Variants in FN1 observed in about 807,000 individuals in gnomAD.
FN1 encodes the protein fibronectin 1.
In FN1, 106 loss-of-function variants were observed where a neutral mutation model predicts 297.3. That is an observed-to-expected ratio of 0.36 (90% CI 0.30 to 0.42). The LOEUF (loss-of-function observed/expected upper bound fraction) is 0.42. Among genes scored for constraint, FN1 ranks in the 10% least tolerant of loss-of-function variants. The pLI is 1.00. For missense variants in FN1, 2,690 were observed against 3,124.9 expected, an observed-to-expected ratio of 0.86 and a Z score of 3.32; for synonymous variants, 1,149 against 1,152.6, an observed-to-expected ratio of 1.00 and a Z score of 0.06.
intron 18 of FN1, 149 bp downstream of exon 18, chr2:215,406,978 A>G: frequency 1.4e-6 from 1 of 700,160 alleles, no homozygotes; most frequent in Non-Finnish European, 2.5e-6. Flanking sequence ...TAAGTTACTT[A>G]TGACATTTCA....
rs576604728 is a variant in FN1 at position 215,387,740 on chromosome 2, T to C, written c.4342+472A>G. ...TAATGAATACACTAAAGTGTACCTT[T>C]TGAAAGAAAAAATTAAAAGCATTCA... On this transcript the variant is annotated intron_variant, in intron 27 of 45. Transcript: ENST00000354785. Among the ~76,000 whole-genome samples, 48 of 152,332 alleles carry C rather than the reference T, an allele frequency of 3.2e-4. No individual in the cohort carries two copies. In the South Asian group the frequency reaches 9.1e-3, roughly 29 times the overall value.
intron 30 of FN1, 60 bp downstream of exon 30, chr2:215,383,960 A>G: frequency 1.3e-6 from 2 of 1,567,326 alleles, no homozygotes; most frequent in South Asian, 1.1e-5. Flanking sequence ...TTGGGAGAAC[A>G]TTGCAAAACA....
At chr2:215,405,124 T>G (rs1404576685) in intron 19 of FN1, among the ~76,000 whole-genome samples, 2 of 152,180 alleles carry the variant, frequency 1.3e-5, no homozygotes, top group African/African-American at 4.8e-5. Context: ...AAAAGTTATT[T>G]TCACATGGTT....
chr2:215,390,483 G>T (rs947876792), intron 26 of FN1, among the ~76,000 whole-genome samples: 8 of 152,168 alleles, frequency 5.3e-5, no homozygotes, highest in African/African-American at 1.4e-4. Flanking sequence ...CACTGCACTG[G>T]TTTGCTTCAT....
intron 5 of FN1, 67 bp downstream of exon 5, chr2:215,430,648 C>A (rs2066348913): frequency 6.4e-7 from 1 of 1,563,822 alleles, no homozygotes; most frequent in Non-Finnish European, 8.8e-7. Context: ...CATAGTATTA[C>A]CCTTCTCTCT....
At chr2:215,379,367 A>G (rs776433224) in intron 33 of FN1, 50 bp from the exon 34 acceptor site, 1 of 1,531,168 alleles carries the variant, frequency 6.5e-7, no homozygotes, top group South Asian at 1.1e-5. Context: ...AATGGGGGAA[A>G]AGGAAAATAA....
At chr2:215,381,367 A>C in intron 32 of FN1, 1 of 454,010 alleles carries the variant, frequency 2.2e-6, no homozygotes, top group Non-Finnish European at 4.0e-6. Flanking sequence ...ATATTCTACC[A>C]CGATTTGATT....
rs1473027026 is a variant in FN1 at position 215,384,182 on chromosome 2, C to T, written c.4732G>A (p.Gly1578Arg). 5 of 1,614,094 alleles carry T rather than the reference C, an allele frequency of 3.1e-6. No individual in the cohort carries two copies. The highest frequency in any genetic ancestry group is 4.2e-6 in the Non-Finnish European group (5 of 1,179,990). The change falls in exon 30 of 46, where the codon GGA becomes AGA. Residue 1578 changes from glycine to arginine, a missense_variant and splice_region_variant. Gly to Arg is a moderately radical substitution (Grantham distance 125, BLOSUM62 -2). Transcript: ENST00000354785. ...GTGAACTCCTGGACAGGGCTATTTC[C>T]TCCTGTATGAAAAAGGGTTAGTTCA... ...YYRITYGETG[G>R]NSPVQEFTVP...
At chr2:215,398,518 A>G (rs1050754571) in intron 21 of FN1, among the ~76,000 whole-genome samples, 1 of 152,240 alleles carries the variant, frequency 6.6e-6, no homozygotes. Context: ...ATTAAAAGGT[A>G]TACTGGCACT....
At chr2:215,375,446 C>A in intron 37 of FN1, 53 bp from the exon 38 acceptor site, 1 of 1,530,058 alleles carries the variant, frequency 6.5e-7, no homozygotes, top group Non-Finnish European at 9.0e-7. Flanking sequence ...AAGAAAATTA[C>A]TCCCACACTT....
In FN1 at chr2:215,391,322, A is replaced by G. The variant is rs538459794; in HGVS notation, c.4252+310T>C. ...TTTCTCTAAAGATTTAGATTTAGTC[A>G]TATAATTTCTCTTGATATTCACTTA... On this transcript the variant is annotated intron_variant, in intron 26 of 45. Coordinates refer to ENST00000354785, the MANE Select transcript of FN1 (RefSeq NM_212482.4). Among the ~76,000 whole-genome samples, 13 of 152,334 alleles carry G rather than the reference A, an allele frequency of 8.5e-5. No individual in the cohort carries two copies. In the East Asian group the frequency reaches 2.5e-3, roughly 29 times the overall value.
At chr2:215,372,972 T>A (rs757217843) in intron 39 of FN1, among the ~76,000 whole-genome samples, 13 of 152,166 alleles carry the variant, frequency 8.5e-5, no homozygotes, top group Non-Finnish European at 1.9e-4. Flanking sequence ...GTGAGAGGTT[T>A]CTCTCCCTCC....
intron 8 of FN1, 80 bp from the exon 9 acceptor site, chr2:215,423,606 G>C (rs539139992): frequency 1.4e-5 from 19 of 1,335,182 alleles, no homozygotes; most frequent in Non-Finnish European, 1.9e-5. Flanking sequence ...TGGTCTGAGA[G>C]AGCCAGGTTT....
At chr2:215,366,697 ATAAT>A (rs1225816338) in intron 42 of FN1, among the ~76,000 whole-genome samples, 3 of 152,354 alleles carry the variant, frequency 2.0e-5, no homozygotes, top group East Asian at 1.9e-4. Context: ...ACAAAGTAAA[ATAAT>A]TAGACAACTG....
chr2:215,434,664 A>C (rs1367913579), intron 2 of FN1, 32 bp downstream of exon 2: 1 of 1,613,792 alleles, frequency 6.2e-7, no homozygotes, highest in East Asian at 2.2e-5. Context: ...ATGTATTAAA[A>C]GATACTAACT....
chr2:215,363,912 A>G lies in FN1; in HGVS notation c.7251+967T>C, dbSNP rs191613232. Among the ~76,000 whole-genome samples, 229 of 152,326 alleles carry G rather than the reference A, an allele frequency of 1.5e-3. 2 individuals are homozygous for G. The highest frequency in any genetic ancestry group is 3.4e-3 in the Admixed American group (52 of 15,300). The stretch of plus-strand genomic sequence containing the variant: ...GGCCCTCCATAAGCCACTTCTTCCC[A>G]TCTATTTTCTTACCAGAAGACAGCA... On this transcript the variant is annotated intron_variant, in intron 44 of 45. Coordinates refer to ENST00000354785, the MANE Select transcript of FN1 (RefSeq NM_212482.4).
rs750952225 is a variant in FN1 at position 215,375,698 on chromosome 2, A to G, written c.5908T>C (p.Tyr1970His). Residue 1970 changes from tyrosine to histidine, a missense_variant, in exon 37 of 46, where the codon TAC becomes CAC. Transcript: ENST00000354785. ...TTCAAGGTGTACAGGTAGATCTTGT[A>G]GTCAGTGCCTGGTTGTAAACCTGGG... ...TITGLQPGTD[Y>H]KIYLYTLNDN... is the part of the protein sequence containing the mutation. The G allele has an allele frequency of 2.5e-5, 41 of 1,611,916 alleles. 1 individual carries two copies. In the East Asian group the frequency reaches 9.1e-4, roughly 36 times the overall value.
At position 215,425,128 on chromosome 2, in the gene FN1, C is replaced by T. The variant is rs138271073; in HGVS notation, c.1002G>A (p.Thr334=). 1,020 of 1,614,088 alleles carry T rather than the reference C, an allele frequency of 6.3e-4. 1 individual carries two copies. Among genetic ancestry groups the T allele is most frequent in the Non-Finnish European group, 6.2e-4 (730 of 1,180,000 alleles). The change falls in exon 7 of 46, where the codon ACG becomes ACA. Residue 334 remains threonine, a synonymous_variant. Coordinates refer to ENST00000354785, the MANE Select transcript of FN1 (RefSeq NM_212482.4). ...GGCAGCTGACTCCGTTGCCCAGGCA[C>T]GTGCAAAGCATTTGCTTATTTCCTT... is the stretch of plus-strand genomic sequence containing the variant. ...KTQGNKQMLC[T]CLGNGVSCQE... is the part of the protein sequence containing the mutation.
intron 11 of FN1, 128 bp from the exon 12 acceptor site, chr2:215,419,513 TA>T (rs2063904639): frequency 1.2e-5 from 10 of 805,418 alleles, no homozygotes; most frequent in South Asian, 5.8e-5. Context: ...TATATGCAGT[TA>T]AAAAAATATT....
Sources: gnomAD v4.1 joint callset for allele counts (sites outside exome capture counted in the v4.1 genomes callset) on GRCh38, gnomAD v4.1.1 for gene constraint, MANE v1.5 for transcripts, NCBI Gene and HGNC (gene_info 2026-07-23, HGNC 2026-07-21) for gene names.